NOS3: variants seen among roughly 807,000 people sequenced by gnomAD.
NOS3 encodes NOS type III.
NOS3 carries 98 observed loss-of-function variants against 144.9 expected under a neutral mutation model. The observed-to-expected ratio is 0.68, with a 90% CI of 0.57 to 0.80. NOS3 has a LOEUF of 0.80. Ranked by LOEUF, NOS3 falls within the 30% of genes least tolerant of loss-of-function variation. The pLI is 0.00. For synonymous variants in NOS3, 714 were observed against 702.4 expected (o/e 1.02, Z -0.26); for missense variants, 1,465 against 1,656.4 (o/e 0.88, Z 2.01).
rs751802200 is a variant in NOS3, at chr7:150,998,341, G to A, written c.583-16G>A. 11 of 1,608,692 alleles carry A rather than the reference G, an allele frequency of 6.8e-6. No homozygotes were observed. The highest frequency in any genetic ancestry group is 1.1e-5 in the South Asian group (1 of 90,342). On this transcript the variant is annotated splice_polypyrimidine_tract_variant and intron_variant, in intron 5 of 26. Transcript: ENST00000297494. This position sits in a 1 kb window ranked among gnomAD's most constrained non-coding sequence, Gnocchi z 5.0. ...TCTCTCCTCACCCTCCTCTCCCGCTGCCTCGGCTGGCTCAGGTGTTCGATG... is the reference window on the plus strand; with the variant it reads ...TCTCTCCTCACCCTCCTCTCCCGCTACCTCGGCTGGCTCAGGTGTTCGATG...
chr7:151,003,693 T>C lies in NOS3; in HGVS notation c.1752+1389T>C. On this transcript the variant is annotated intron_variant, in intron 14 of 26. Transcript: ENST00000297494. This position sits in a 1 kb window ranked among gnomAD's most constrained non-coding sequence, Gnocchi z 4.1. ...GCCAGAAGTGTCTGTCACCACAGAATAGTTTCGCCTGCTCTAGAACGGCAC... is the reference window on the plus strand; with the variant it reads ...GCCAGAAGTGTCTGTCACCACAGAACAGTTTCGCCTGCTCTAGAACGGCAC... 1 of 573,574 alleles carries C rather than the reference T, an allele frequency of 1.7e-6. No homozygotes were observed. Among genetic ancestry groups the C allele is most frequent in the Admixed American group, 2.3e-5 (1 of 42,640 alleles). 35.5% of individuals were successfully genotyped at this position (573,574 alleles called of 1,614,324 possible). A position where few individuals can be genotyped will look rare whatever the true frequency, so the allele number is the denominator to read the frequency against.
intron 12 of NOS3, 73 bp downstream of exon 12, chr7:151,001,690 ACCCTGC>A: frequency 6.4e-7 from 1 of 1,570,896 alleles, no homozygotes; most frequent in Non-Finnish European, 8.8e-7. Flanking sequence ...ACCCTGGGGG[ACCCTGC>A]CCCAGCAGTG....
intron 10 of NOS3, among the ~76,000 whole-genome samples, chr7:151,000,812 G>A (rs1795072751): frequency 6.6e-6 from 1 of 152,174 alleles, no homozygotes; most frequent in Non-Finnish European, 1.5e-5. Flanking sequence ...GGCTTACTGT[G>A]TGCCAGGGAC....
At chr7:151,013,542 G>A (rs1795356551) in intron 25 of NOS3, 163 bp downstream of exon 25, 2 of 1,116,690 alleles carry the variant, frequency 1.8e-6, no homozygotes, top group South Asian at 3.2e-5. Flanking sequence ...GCCCCTCTAG[G>A]CCCGCCTCCT....
chr7:150,996,348 T>G, intron 3 of NOS3, 56 bp from the exon 4 acceptor site: 1 of 111,060 alleles, frequency 9.0e-6, no homozygotes, highest in Non-Finnish European at 1.8e-5. Context: ...TGCCCCCAAC[T>G]CCCATCCCAC....
chr7:150,995,438 G>T, intron 3 of NOS3, 124 bp downstream of exon 3: 1 of 647,112 alleles, frequency 1.5e-6, no homozygotes, highest in Non-Finnish European at 2.7e-6. Context: ...CCAAAAAGAG[G>T]AGAGGACTGG....
Position 150,996,512 on chromosome 7 carries a change from G to T in NOS3, c.379G>T (p.Ala127Ser). 6.2e-7 allele frequency: 1 copy of T among 1,606,536 alleles called. No individual in the cohort carries two copies. The highest frequency in any genetic ancestry group is 8.5e-7 in the Non-Finnish European group (1 of 1,178,146). The change falls in exon 4 of 27, where the codon GCC becomes TCC. Residue 127 changes from alanine (A) to serine (S), a missense_variant. This residue lies in a region of NOS3 where 374 missense variants were observed against 377.0 expected (regional missense o/e 0.99). Coordinates refer to ENST00000297494, the MANE Select transcript of NOS3 (RefSeq NM_000603.5). ...GGCCCCTGAGCAGCTGCTGAGTCAG[G>T]CCCGGGACTTCATCAACCAGTACTA... is the stretch of plus-strand genomic sequence containing the variant. Reference protein sequence around the residue: ...PPAPEQLLSQARDFINQYYSS... With the variant: ...PPAPEQLLSQSRDFINQYYSS...
intron 18 of NOS3, 29 bp from the exon 19 acceptor site, chr7:151,009,160 C>T (rs2117131437): frequency 1.9e-6 from 3 of 1,613,364 alleles, no homozygotes; most frequent in East Asian, 4.5e-5. Flanking sequence ...CTAGCTCAGG[C>T]TGCCTCATTT....
In NOS3 at chr7:150,994,055, C is replaced by A. The variant is rs560511374; in HGVS notation, c.158+94C>A. ...GAAGGTCTGGAACTTGTAGCTGAGTCGGGAGGGCCAGGTCACAAATGCAAA... is the reference window on the plus strand; with the variant it reads ...GAAGGTCTGGAACTTGTAGCTGAGTAGGGAGGGCCAGGTCACAAATGCAAA... On this transcript the variant is annotated intron_variant, in intron 2 of 26. Transcript: ENST00000297494. 1,942 of 1,364,934 alleles carry A rather than the reference C, an allele frequency of 1.4e-3. 47 individuals are homozygous for A. In the South Asian group the frequency reaches 0.024, roughly 17 times the overall value. The allele number at this position is 1,364,934 out of a possible 1,614,324, so 84.6% of individuals were successfully genotyped here.
Position 151,001,249 on chromosome 7 carries a change from G to T in NOS3, c.1252G>T (p.Val418Leu), listed in dbSNP as rs953325985. The change falls in exon 11 of 27, where the codon GTG becomes TTG. Residue 418 changes from valine (V) to leucine (L), a missense_variant. Coordinates refer to ENST00000297494, the MANE Select transcript of NOS3 (RefSeq NM_000603.5). The stretch of plus-strand genomic sequence containing the variant: ...CTTCCAGCTAGCCAAAGTCACCATC[G>T]TGGACCACCACGCCGCCACGGCCTC... ...HSYQLAKVTI[V>L]DHHAATASFM... is the part of the protein sequence containing the mutation. The T allele has an allele frequency of 2.5e-6, 4 of 1,613,444 alleles. No homozygotes were observed. The Admixed American group carries it at 6.7e-5, about 27-fold the overall frequency.
At chr7:151,005,024 AT>A (rs1204388989) in intron 14 of NOS3, among the ~76,000 whole-genome samples, 4 of 151,968 alleles carry the variant, frequency 2.6e-5, no homozygotes, top group Non-Finnish European at 4.4e-5. Flanking sequence ...TGGCCAGCTA[AT>A]TTTTGTGTTT....
At chr7:151,007,807 C>A (rs573779076) in intron 17 of NOS3, among the ~76,000 whole-genome samples, 2 of 152,198 alleles carry the variant, frequency 1.3e-5, no homozygotes, top group African/African-American at 4.8e-5. Context: ...GCTTTTTAAG[C>A]CTGGGCTTCC....
At chr7:150,997,703 G>T (rs777472199) in intron 5 of NOS3, among the ~76,000 whole-genome samples, 1 of 152,186 alleles carries the variant, frequency 6.6e-6, no homozygotes, top group Non-Finnish European at 1.5e-5. Context: ...ACACTTGCCT[G>T]ACCCTCTAAG....
chr7:150,996,401 C>G lies in NOS3; in HGVS notation c.271-3C>G. 1 of 1,521,262 alleles carries G rather than the reference C, an allele frequency of 6.6e-7. No homozygotes were observed. Among genetic ancestry groups the G allele is most frequent in the Non-Finnish European group, 8.8e-7 (1 of 1,137,628 alleles). The allele number at this position is 1,521,262 out of a possible 1,614,324, so 94.2% of individuals were successfully genotyped here. On this transcript the variant is annotated splice_region_variant and splice_polypyrimidine_tract_variant and intron_variant, in intron 3 of 26. Coordinates refer to ENST00000297494, the MANE Select transcript of NOS3 (RefSeq NM_000603.5). ...TCCTGACCTTTGCACTCCCTCGACC[C>G]AGGATGGGCCCTGCACCCCAAGACG...
chr7:150,996,669 C>A, intron 4 of NOS3, 94 bp from the exon 5 acceptor site: 2 of 1,487,656 alleles, frequency 1.3e-6, no homozygotes, highest in Non-Finnish European at 9.1e-7. Context: ...GGGCCCCTCC[C>A]GCCCTCCCCC....
intron 17 of NOS3, 118 bp from the exon 18 acceptor site, chr7:151,008,812 C>T (rs1341862603): frequency 4.9e-6 from 6 of 1,217,108 alleles, no homozygotes; most frequent in Non-Finnish European, 6.6e-6. Context: ...TGGCGCCGGC[C>T]TCAGCCACTG....
chr7:151,007,162 C>G lies in NOS3; in HGVS notation c.1998C>G (p.Ala666=), dbSNP rs2566514. 0.28 allele frequency: 458,283 copies of G among 1,613,552 alleles called. 72,128 individuals are homozygous for G. The highest frequency in any genetic ancestry group is 0.55 in the Admixed American group (32,707 of 60,008). ...AYPHFCAFAR[A]VDTRLEELGG... is the part of the protein sequence containing the mutation. ...CCCACTTCTGCGCCTTTGCTCGTGC[C>G]GTGGACACACGGCTGGAGGAACTGG... The change falls in exon 17 of 27, where the codon GCC becomes GCG. Residue 666 remains alanine, a synonymous_variant. Coordinates refer to ENST00000297494, the MANE Select transcript of NOS3 (RefSeq NM_000603.5).
rs1357263488 is a variant in NOS3 at position 151,003,562 on chromosome 7, G to C, written c.1752+1258G>C. 7.7e-7 allele frequency: 1 copy of C among 1,299,396 alleles called. No homozygotes were observed. Among genetic ancestry groups the C allele is most frequent in the Non-Finnish European group, 1.0e-6 (1 of 984,868 alleles). The allele number at this position is 1,299,396 out of a possible 1,614,324, so 80.5% of individuals were successfully genotyped here. Reference sequence around the variant, plus strand: ...CTTTTTTTTAGCATAAAGGTGTATAGACACCCATATAACCTACAGCCTTCA... The same window carrying C: ...CTTTTTTTTAGCATAAAGGTGTATACACACCCATATAACCTACAGCCTTCA... On this transcript the variant is annotated intron_variant, in intron 14 of 26. Coordinates refer to ENST00000297494, the MANE Select transcript of NOS3 (RefSeq NM_000603.5). This position sits in a 1 kb window ranked among gnomAD's most constrained non-coding sequence, Gnocchi z 4.1.
rs922296337 is a variant in NOS3 at position 151,013,666 on chromosome 7, G to C, written c.3256-58G>C. ...ACGTCCAGGGCCAGCCAGCAGCCCCGGGCTGCGCCCCCGCGCCCACCCCCA... is the reference window on the plus strand; with the variant it reads ...ACGTCCAGGGCCAGCCAGCAGCCCCCGGCTGCGCCCCCGCGCCCACCCCCA... On this transcript the variant is annotated intron_variant, in intron 25 of 26. Coordinates refer to ENST00000297494, the MANE Select transcript of NOS3 (RefSeq NM_000603.5). The C allele has an allele frequency of 2.2e-6, 3 of 1,340,312 alleles. No homozygotes were observed. The African/African-American group carries it at 4.4e-5, about 20-fold the overall frequency. The allele number at this position is 1,340,312 out of a possible 1,614,324, so 83.0% of individuals were successfully genotyped here.
Sources: gnomAD v4.1 joint callset for allele counts (sites outside exome capture counted in the v4.1 genomes callset) on GRCh38, gnomAD v4.1.1 for gene constraint, gnomAD v4.1.1 regional missense constraint, Gnocchi (gnomAD v3.1) non-coding constraint, MANE v1.5 for transcripts, NCBI Gene and HGNC (gene_info 2026-07-23, HGNC 2026-07-21) for gene names.